The following RHOBTB1 variants were observed in gnomAD, a reference collection of about 807,000 sequenced individuals.
RHOBTB1 encodes the protein Rho related BTB domain containing 1, also known as rho-related BTB domain-containing protein 1.
RHOBTB1 carries 40 observed loss-of-function variants against 71.6 expected under a neutral mutation model. The observed-to-expected ratio is 0.56, with a 90% CI of 0.43 to 0.73. The LOEUF (loss-of-function observed/expected upper bound fraction) is 0.73. Ranked by LOEUF, RHOBTB1 falls within the 30% of genes least tolerant of loss-of-function variation. The probability of loss-of-function intolerance (pLI) is 0.00; values close to 1 mark genes in which losing one functional copy is unlikely to be tolerated. For missense variants in RHOBTB1, 797 were observed against 894.0 expected (o/e 0.89, Z 1.38); for synonymous variants, 319 against 334.9 (o/e 0.95, Z 0.52).
intron 2 of RHOBTB1, among the ~76,000 whole-genome samples, chr10:60,964,755 GC>G (rs1302407837): frequency 6.6e-6 from 1 of 151,972 alleles, no homozygotes; most frequent in African/African-American, 2.4e-5. Context: ...AGAAAAATAT[GC>G]GAAAATTTCC....
chr10:60,958,557 A>G (rs552852406), intron 2 of RHOBTB1, among the ~76,000 whole-genome samples: 30 of 152,140 alleles, frequency 2.0e-4, no homozygotes, highest in Non-Finnish European at 3.7e-4. Context: ...CATCAACCAC[A>G]TCTTCAACAC....
chr10:60,923,844 C>T (rs1379119139), intron 2 of RHOBTB1, among the ~76,000 whole-genome samples: 2 of 152,320 alleles, frequency 1.3e-5, no homozygotes, highest in Admixed American at 6.5e-5. Flanking sequence ...CTGCCTCTCA[C>T]CTTCCACCAT....
At chr10:60,945,785 C>G (rs1197697043), upstream of RHOBTB1, among the ~76,000 whole-genome samples, 1 of 152,086 alleles carries the variant, frequency 6.6e-6, no homozygotes, top group African/African-American at 2.4e-5. Flanking sequence ...TTACCAAGGC[C>G]CTAGTCTTTG....
intron 4 of RHOBTB1, among the ~76,000 whole-genome samples, chr10:60,905,411 C>T (rs1223180299): frequency 1.5e-5 from 2 of 133,432 alleles, no homozygotes; most frequent in African/African-American, 3.0e-5. Context: ...GATCGCGCCA[C>T]TGCACACCAG....
At chr10:60,965,828 T>C (rs1173998962) in intron 2 of RHOBTB1, among the ~76,000 whole-genome samples, 1 of 152,138 alleles carries the variant, frequency 6.6e-6, no homozygotes, top group Non-Finnish European at 1.5e-5. Flanking sequence ...TCTGCTAACC[T>C]CAGGACATCT....
intron 2 of RHOBTB1, among the ~76,000 whole-genome samples, chr10:60,923,457 G>A (rs902189558): frequency 2.6e-5 from 4 of 152,202 alleles, no homozygotes; most frequent in African/African-American, 9.6e-5. Flanking sequence ...GTACATAGTA[G>A]ACTTGAAAAT....
At chr10:60,900,777 A>G (rs747440270) in intron 4 of RHOBTB1, among the ~76,000 whole-genome samples, 48 of 152,224 alleles carry the variant, frequency 3.2e-4, no homozygotes, top group Admixed American at 5.9e-4. Flanking sequence ...TGAAAATATA[A>G]TGTGAGCCAT....
intron 2 of RHOBTB1, among the ~76,000 whole-genome samples, chr10:60,953,007 C>G (rs1438704188): frequency 5.3e-5 from 8 of 152,072 alleles, no homozygotes; most frequent in Non-Finnish European, 1.2e-4. Flanking sequence ...ACAAATTAAA[C>G]TATTGCTCCA....
chr10:60,929,716 TA>T (rs2084118402), intron 2 of RHOBTB1, among the ~76,000 whole-genome samples: 1 of 151,962 alleles, frequency 6.6e-6, no homozygotes, highest in Admixed American at 6.6e-5. Context: ...AAAAAGCATA[TA>T]ATAAAATGAA....
intron 2 of RHOBTB1, among the ~76,000 whole-genome samples, chr10:60,955,031 T>TC (rs2085537000): frequency 7.8e-6 from 1 of 127,822 alleles, no homozygotes; most frequent in African/African-American, 2.8e-5. Context: ...GAATCTTTTC[T>TC]TTTCTTTCTT....
rs767966043 is a variant in RHOBTB1, at chr10:60,886,118, G to T, written c.1569C>A (p.Asn523Lys). The T allele has an allele frequency of 6.2e-7, 1 of 1,612,252 alleles. No homozygotes were observed. Among genetic ancestry groups the T allele is most frequent in the Non-Finnish European group, 8.5e-7 (1 of 1,178,312 alleles). ...CTTTTAGGAAGGCACGTACCTCACT[G>T]TTGGCACTTTCCACAAATGACCCCC... ...MFGGSFVESA[N>K]SEVYLPNINK... Residue 523 changes from asparagine (N) to lysine (K), a missense_variant, in exon 7 of 11, where the codon AAC becomes AAA. Transcript: ENST00000337910.
chr10:60,990,364 C>G (rs1021051745), intron 1 of RHOBTB1, among the ~76,000 whole-genome samples: 20 of 152,158 alleles, frequency 1.3e-4, no homozygotes, highest in African/African-American at 4.6e-4. Context: ...TGATTTTTCT[C>G]TCTATCTTGT....
intron 2 of RHOBTB1, among the ~76,000 whole-genome samples, chr10:60,926,042 C>G (rs1041473809): frequency 6.6e-6 from 1 of 152,004 alleles, no homozygotes; most frequent in African/African-American, 2.4e-5. Flanking sequence ...ACCAGCCGGA[C>G]CAACATGGTG....
At chr10:60,998,459 C>T (rs1341202245) in intron 1 of RHOBTB1, among the ~76,000 whole-genome samples, 1 of 152,112 alleles carries the variant, frequency 6.6e-6, no homozygotes, top group Non-Finnish European at 1.5e-5. Context: ...AAACAACAGT[C>T]ATATTAAACA....
At chr10:60,943,053 C>T (rs1038750311) in intron 1 of RHOBTB1, among the ~76,000 whole-genome samples, 1 of 152,134 alleles carries the variant, frequency 6.6e-6, no homozygotes, top group Non-Finnish European at 1.5e-5. Flanking sequence ...CCTAGATTTT[C>T]CTAGATCTGG....
At chr10:60,962,428 T>C (rs2085814602) in intron 2 of RHOBTB1, among the ~76,000 whole-genome samples, 1 of 152,094 alleles carries the variant, frequency 6.6e-6, no homozygotes. Flanking sequence ...CATTTACAGG[T>C]TTGTCTCAAA....
At chr10:60,879,230 T>C (rs2081192605) in intron 7 of RHOBTB1, among the ~76,000 whole-genome samples, 2 of 152,346 alleles carry the variant, frequency 1.3e-5, no homozygotes, top group South Asian at 4.1e-4. Flanking sequence ...TGGAAATGTT[T>C]AATGCCAAGG....
chr10:60,873,696 A>G (rs760929366), intron 9 of RHOBTB1, among the ~76,000 whole-genome samples: 2 of 152,214 alleles, frequency 1.3e-5, no homozygotes, highest in Non-Finnish European at 2.9e-5. Flanking sequence ...AAAGACCCCA[A>G]ATTCCAAGTG....
chr10:60,955,681 C>T (rs1368860022), intron 2 of RHOBTB1, among the ~76,000 whole-genome samples: 1 of 152,090 alleles, frequency 6.6e-6, no homozygotes, highest in Non-Finnish European at 1.5e-5. Flanking sequence ...TGTAAGAAAG[C>T]CTTCCCTTAG....
Sources: gnomAD v4.1 joint callset for allele counts (sites outside exome capture counted in the v4.1 genomes callset) on GRCh38, gnomAD v4.1.1 for gene constraint, MANE v1.5 for transcripts, NCBI Gene and HGNC (gene_info 2026-07-23, HGNC 2026-07-21) for gene names.